TFAP2A: variants seen among roughly 807,000 people sequenced by gnomAD.
TFAP2A encodes the protein transcription factor AP-2 alpha, also known as transcription factor AP-2-alpha.
A neutral mutation model predicts 41.5 loss-of-function variants in TFAP2A; 7 were observed. That is an observed-to-expected ratio of 0.17 (90% CI 0.10 to 0.32). TFAP2A has a LOEUF of 0.32. Ranked by LOEUF, TFAP2A falls within the 10% of genes least tolerant of loss-of-function variation. The probability of loss-of-function intolerance (pLI) is 1.00; values close to 1 mark genes in which losing one functional copy is unlikely to be tolerated. For synonymous variants in TFAP2A, 247 were observed against 242.8 expected (o/e 1.02, Z -0.16); for missense variants, 416 against 563.3 (o/e 0.74, Z 2.65).
intron 3 of TFAP2A, 181 bp from the exon 4 acceptor site, chr6:10,404,920 C>T (rs1386911060): frequency 9.5e-6 from 6 of 628,944 alleles, no homozygotes; most frequent in Non-Finnish European, 1.7e-5. Flanking sequence ...TCGAGCCCTT[C>T]CCTACCTCAC....
In TFAP2A at chr6:10,407,386, G is replaced by A. The variant is rs1757767683; in HGVS notation, c.487-542C>T. On this transcript the variant is annotated intron_variant, in intron 2 of 6. Coordinates refer to ENST00000379613, the MANE Select transcript of TFAP2A (RefSeq NM_001372066.1). ...AATTTTTAGAAAGACTACTGCCTAA[G>A]CCTGGGTATGATAGGAATATGAAAA... 2.0e-5 allele frequency: 3 copies of A among 153,378 alleles called. No homozygotes were observed. The South Asian group carries it at 6.1e-4, about 31-fold the overall frequency. The allele number at this position is 153,378 out of a possible 1,614,324, so 9.5% of individuals were successfully genotyped here.
At chr6:10,412,543 GA>G (rs1561716074) in intron 1 of TFAP2A, 1 of 129,864 alleles carries the variant, frequency 7.7e-6, no homozygotes, top group Non-Finnish European at 1.6e-5. Context: ...GGCCGCGGGG[GA>G]GGGGGAAGGG....
intron 4 of TFAP2A, among the ~76,000 whole-genome samples, chr6:10,403,407 CAGTG>C (rs1757510342): frequency 6.6e-6 from 1 of 152,116 alleles, no homozygotes; most frequent in African/African-American, 2.4e-5. Flanking sequence ...AGATCTGTGT[CAGTG>C]AAAGACTACA....
In TFAP2A at chr6:10,402,840, G is replaced by A. The variant is rs9466174; in HGVS notation, c.771-230C>T. Among the ~76,000 whole-genome samples, 8,034 of 152,246 alleles carry A rather than the reference G, an allele frequency of 0.053. 725 individuals are homozygous for A. Among genetic ancestry groups the A allele is most frequent in the African/African-American group, 0.18 (7,623 of 41,486 alleles). On this transcript the variant is annotated intron_variant, in intron 4 of 6. Transcript: ENST00000379613. ...TTCAGTTATTATTGCAACTCTTGTG[G>A]CAGGTTGGAAGGTTTTGATTTCCCA...
chr6:10,406,713 A>G, intron 3 of TFAP2A, 80 bp downstream of exon 3: 1 of 1,268,964 alleles, frequency 7.9e-7, no homozygotes. Flanking sequence ...TTTGGAAAAA[A>G]TAAACACATC....
In TFAP2A at chr6:10,398,683, C is replaced by T; in HGVS notation, c.1054G>A (p.Asp352Asn). 1 of 1,614,056 alleles carries T rather than the reference C, an allele frequency of 6.2e-7. No homozygotes were observed. The highest frequency in any genetic ancestry group is 8.5e-7 in the Non-Finnish European group (1 of 1,179,988). ...ATKQICKEFTDLLAQDRSPLG... is the reference protein window; with the variant it reads ...ATKQICKEFTNLLAQDRSPLG... ...GGAGATCGGTCCTGAGCCAGCAGGT[C>T]GGTGAACTCTTTGCATATCTGTCTG... is the stretch of plus-strand genomic sequence containing the variant. Residue 352 changes from aspartate (D) to asparagine (N), a missense_variant, in exon 7 of 7, where the codon GAC (aspartate) becomes AAC (asparagine). Asp to Asn is a conservative substitution (Grantham distance 23). Around this residue, in one of 3 missense-constraint regions of TFAP2A, gnomAD observed 116 missense variants for 153.8 expected, o/e 0.75. Transcript: ENST00000379613. The surrounding 1 kb of genome is among the most constrained non-coding windows in gnomAD (Gnocchi z 5.3).
At chr6:10,413,227 A>G (rs1231813315) in intron 1 of TFAP2A, among the ~76,000 whole-genome samples, 3 of 152,118 alleles carry the variant, frequency 2.0e-5, no homozygotes, top group Non-Finnish European at 4.4e-5. Context: ...CTTGCCCACC[A>G]CGGCCAAAGT....
At chr6:10,405,245 A>T (rs1757656668) in intron 3 of TFAP2A, 1 of 156,932 alleles carries the variant, frequency 6.4e-6, no homozygotes, top group East Asian at 1.9e-4. Flanking sequence ...GACAATTTAG[A>T]TGGCTAAAGC....
In TFAP2A at chr6:10,404,534, C is replaced by T. The variant is rs1221567277; in HGVS notation, c.744G>A (p.Ala248=). Residue 248 remains alanine, a synonymous_variant, in exon 4 of 7, where the codon GCG becomes GCA. Coordinates refer to ENST00000379613, the MANE Select transcript of TFAP2A (RefSeq NM_001372066.1). ...TCCGGAGCACTCCGCCCAGCAGCGACGCGTTGAGACACTCGGGTGGTGAGA... is the reference window on the plus strand; with the variant it reads ...TCCGGAGCACTCCGCCCAGCAGCGATGCGTTGAGACACTCGGGTGGTGAGA... ...RRLSPPECLN[A]SLLGGVLRRA... The T allele has an allele frequency of 3.1e-6, 5 of 1,612,460 alleles. No individual in the cohort carries two copies. The highest frequency in any genetic ancestry group is 4.2e-6 in the Non-Finnish European group (5 of 1,179,366).
Position 10,397,318 on chromosome 6 carries a change from G to T in TFAP2A, c.*1099C>A, listed in dbSNP as rs1206983895. On this transcript the variant is annotated 3_prime_UTR_variant, in exon 7 of 7. Coordinates refer to ENST00000379613, the MANE Select transcript of TFAP2A (RefSeq NM_001372066.1). ...ATGATGCTTTTAAGGGAGGACAGTG[G>T]AATAAAATAAACTTTTTTTTTTCTC... The T allele has an allele frequency of 1.3e-5, 2 of 151,758 alleles. No homozygotes were observed. The highest frequency in any genetic ancestry group is 2.9e-5 in the Non-Finnish European group (2 of 67,926). 9.4% of individuals were successfully genotyped at this position (151,758 alleles called of 1,614,324 possible). A position where few individuals can be genotyped will look rare whatever the true frequency, so the allele number is the denominator to read the frequency against.
chr6:10,415,222 G>A, upstream of TFAP2A: 1 of 1,469,914 alleles, frequency 6.8e-7, no homozygotes. Context: ...GAGGAGAGAA[G>A]GGAAAGAGCT....
chr6:10,412,002 A>T (rs984463919), intron 1 of TFAP2A: 4 of 1,080,182 alleles, frequency 3.7e-6, no homozygotes, highest in Non-Finnish European at 4.5e-6. Flanking sequence ...CGCGCTGGGC[A>T]GCGTTCCTGG....
In TFAP2A at chr6:10,398,150, C is replaced by A. The variant is rs1326187998; in HGVS notation, c.*267G>T. 4 of 1,412,006 alleles carry A rather than the reference C, an allele frequency of 2.8e-6. No individual in the cohort carries two copies. Among genetic ancestry groups the A allele is most frequent in the African/African-American group, 1.5e-5 (1 of 68,782 alleles). 87.5% of individuals were successfully genotyped at this position (1,412,006 alleles called of 1,614,324 possible). On this transcript the variant is annotated 3_prime_UTR_variant, in exon 7 of 7. Transcript: ENST00000379613. The surrounding 1 kb of genome is among the most constrained non-coding windows in gnomAD (Gnocchi z 5.3). Reference sequence around the variant, plus strand: ...CTGGCTTCACGGCCTGTTCTGTTCTCTTAGGCTCCACATGAGGGCACAGGG... The same window carrying A: ...CTGGCTTCACGGCCTGTTCTGTTCTATTAGGCTCCACATGAGGGCACAGGG...
rs2763141 is a variant in TFAP2A, at chr6:10,411,978, G to C, written c.52-1643C>G. On this transcript the variant is annotated intron_variant, in intron 1 of 6. Transcript: ENST00000379613. Reference sequence around the variant, plus strand: ...TCTTTTCTTAGCGGCGGCTTCGCTTGAGCTTCTAATAACCGCGCTGGGCAG... The same window carrying C: ...TCTTTTCTTAGCGGCGGCTTCGCTTCAGCTTCTAATAACCGCGCTGGGCAG... The C allele has an allele frequency of 1.5e-5, 16 of 1,089,594 alleles. No individual in the cohort carries two copies. The African/African-American group carries it at 2.2e-4, about 15-fold the overall frequency. 67.5% of individuals were successfully genotyped at this position (1,089,594 alleles called of 1,614,324 possible). A position where few individuals can be genotyped will look rare whatever the true frequency, so the allele number is the denominator to read the frequency against.
At chr6:10,406,492 G>T in intron 3 of TFAP2A, 1 of 453,210 alleles carries the variant, frequency 2.2e-6, no homozygotes, top group Non-Finnish European at 4.0e-6. Context: ...CTATCAAACT[G>T]TTTCAAAATT....
At chr6:10,404,905 C>A in intron 3 of TFAP2A, 166 bp from the exon 4 acceptor site, 1 of 663,574 alleles carries the variant, frequency 1.5e-6, no homozygotes, top group Non-Finnish European at 2.6e-6. Flanking sequence ...TTCCCTTCCT[C>A]GGGCTCGAGC....
At chr6:10,417,670 C>A (rs1447396020), upstream of TFAP2A, among the ~76,000 whole-genome samples, 1 of 152,118 alleles carries the variant, frequency 6.6e-6, no homozygotes, top group Non-Finnish European at 1.5e-5. Flanking sequence ...AGTGAGGGGC[C>A]AGAACGACTC....
At chr6:10,414,586 A>G (rs530262882) in intron 1 of TFAP2A, 2 of 462,240 alleles carry the variant, frequency 4.3e-6, no homozygotes, top group South Asian at 2.3e-5. Flanking sequence ...TGGGCCCTCA[A>G]TCTCGATGAA....
At chr6:10,407,272 C>A (rs1003718782) in intron 2 of TFAP2A, 4 of 231,508 alleles carry the variant, frequency 1.7e-5, no homozygotes, top group Non-Finnish European at 3.4e-5. Flanking sequence ...ATGACAGGGG[C>A]GGGAGTAACA....
Sources: allele counts gnomAD v4.1 joint callset (sites outside exome capture counted in the v4.1 genomes callset), GRCh38; gene constraint gnomAD v4.1.1; regional missense constraint gnomAD v4.1.1; non-coding constraint Gnocchi (gnomAD v3.1); transcripts MANE v1.5; gene names NCBI Gene and HGNC (gene_info 2026-07-23, HGNC 2026-07-21).